Variants in BLTP1 observed in about 807,000 individuals in gnomAD.
BLTP1 encodes the protein bridge-like lipid transfer protein family member 1, also known as fragile site-associated protein.
chr4:122,318,493 T>C, the BLTP1 span, among the ~76,000 whole-genome samples: 3 of 152,200 alleles, frequency 2.0e-5, no homozygotes, highest in African/African-American at 7.2e-5. Flanking sequence ...CTAGTAATCC[T>C]GGGGAAGACA....
the BLTP1 span, among the ~76,000 whole-genome samples, chr4:122,361,184 C>G: frequency 8.5e-5 from 13 of 152,336 alleles, 1 homozygote; most frequent in South Asian, 1.5e-3. Flanking sequence ...ACCCTGAGTT[C>G]AGAACCAATT....
chr4:122,286,367 C>A, the BLTP1 span: 1 of 828,588 alleles, frequency 1.2e-6, no homozygotes, highest in Non-Finnish European at 1.5e-6. Context: ...GATTGACTTG[C>A]GTATTTAAAG....
the BLTP1 span, chr4:122,334,676 C>A: frequency 1.2e-6 from 1 of 868,374 alleles, no homozygotes. Context: ...AATGACTCTA[C>A]AGACTTCATA....
the BLTP1 span, chr4:122,209,065 T>G: frequency 8.1e-7 from 1 of 1,233,334 alleles, no homozygotes; most frequent in Non-Finnish European, 1.0e-6. Flanking sequence ...CAAACTTATT[T>G]CCAAGATTGT....
At chr4:122,356,463 A>C in the BLTP1 span, 1 of 263,510 alleles carries the variant, frequency 3.8e-6, no homozygotes, top group Non-Finnish European at 5.9e-6. Flanking sequence ...GTACTAGGGA[A>C]GTGCTTAACA....
chr4:122,310,985 A>G, the BLTP1 span: 5 of 645,700 alleles, frequency 7.7e-6, no homozygotes, highest in Non-Finnish European at 7.7e-6. Context: ...TGGCTTTTTA[A>G]AAATCACTAA....
chr4:122,272,865 T>G, the BLTP1 span, among the ~76,000 whole-genome samples: 1 of 152,102 alleles, frequency 6.6e-6, no homozygotes, highest in Non-Finnish European at 1.5e-5. Context: ...TGAGAATGAT[T>G]ACACAAGGTA....
chr4:122,219,460 A>G, the BLTP1 span: 1 of 1,614,124 alleles, frequency 6.2e-7, no homozygotes, highest in Non-Finnish European at 8.5e-7. Context: ...GGAAAATGAC[A>G]AAAAGGAAAA....
chr4:122,219,669 T>C, the BLTP1 span: 2 of 746,428 alleles, frequency 2.7e-6, no homozygotes, highest in East Asian at 5.4e-5. Flanking sequence ...AAATCAGATT[T>C]AGAAACTTCT....
chr4:122,265,249 C>T, the BLTP1 span, among the ~76,000 whole-genome samples: 3 of 152,174 alleles, frequency 2.0e-5, no homozygotes, highest in Non-Finnish European at 4.4e-5. Context: ...TATTTGCATA[C>T]AACATACATA....
At chr4:122,285,182 C>G in the BLTP1 span, among the ~76,000 whole-genome samples, 49 of 152,004 alleles carry the variant, frequency 3.2e-4, no homozygotes, top group African/African-American at 1.1e-3. Flanking sequence ...AGTTTAGGAT[C>G]TTAGAGTAAA....
chr4:122,346,834 T>C, the BLTP1 span: 1 of 1,554,952 alleles, frequency 6.4e-7, no homozygotes, highest in Non-Finnish European at 8.7e-7. Context: ...AAACGTGATC[T>C]TACTTGGCAG....
At chr4:122,307,918 T>C in the BLTP1 span, 1 of 1,599,358 alleles carries the variant, frequency 6.3e-7, no homozygotes, top group Non-Finnish European at 8.5e-7. Flanking sequence ...TGATTTTAAT[T>C]TTCTTTCTGC....
the BLTP1 span, among the ~76,000 whole-genome samples, chr4:122,283,263 G>A: frequency 1.4e-5 from 2 of 141,862 alleles, no homozygotes; most frequent in Admixed American, 1.3e-4. Flanking sequence ...AGTGATCATT[G>A]TATATAACCA....
At chr4:122,210,690 A>G in the BLTP1 span, 12 of 247,244 alleles carry the variant, frequency 4.9e-5, no homozygotes, top group South Asian at 1.5e-4. Context: ...TCATATTTCA[A>G]TGATTTATTC....
At chr4:122,230,235 C>CAGTA in the BLTP1 span, 1 of 1,595,886 alleles carries the variant, frequency 6.3e-7, no homozygotes, top group Non-Finnish European at 8.6e-7. Context: ...TTAAGAATGG[C>CAGTA]AGTAGTCTCC....
chr4:122,247,117 A>G, the BLTP1 span: 1 of 1,574,104 alleles, frequency 6.4e-7, no homozygotes, highest in South Asian at 1.1e-5. Context: ...GAACTGTATT[A>G]TTTAAATGTT....
At chr4:122,206,656 T>C in the BLTP1 span, among the ~76,000 whole-genome samples, 1 of 151,714 alleles carries the variant, frequency 6.6e-6, no homozygotes, top group Non-Finnish European at 1.5e-5. Context: ...CTGACAAATC[T>C]CATTAATGAG....
the BLTP1 span, among the ~76,000 whole-genome samples, chr4:122,319,054 A>G: frequency 1.3e-5 from 2 of 152,270 alleles, no homozygotes; most frequent in East Asian, 3.9e-4. Flanking sequence ...TTAAATAGCC[A>G]TAGGGTCTGT....
Sources: allele counts gnomAD v4.1 joint callset (sites outside exome capture counted in the v4.1 genomes callset), GRCh38; gene constraint gnomAD v4.1.1; transcripts MANE v1.5; gene names NCBI Gene and HGNC (gene_info 2026-07-23, HGNC 2026-07-21).